The following AGAP1 variants were observed in gnomAD, a reference collection of about 807,000 sequenced individuals.
AGAP1 encodes ArfGAP with GTPase domain, ankyrin repeat and PH domain 1, also known as arf-GAP with GTPase, ANK repeat and PH domain-containing protein 1.
In AGAP1, 29 loss-of-function variants were observed where a neutral mutation model predicts 105.3. That is an observed-to-expected ratio of 0.28 (90% CI 0.21 to 0.38). AGAP1 has a LOEUF of 0.38. Ranked by LOEUF, AGAP1 falls within the 10% of genes least tolerant of loss-of-function variation. The pLI is 1.00. For synonymous variants in AGAP1, 509 were observed against 485.9 expected (o/e 1.05, Z -0.63); for missense variants, 998 against 1,165.1 (o/e 0.86, Z 2.09).
chr2:235,617,400 T>C (rs533931595), intron 1 of AGAP1, among the ~76,000 whole-genome samples: 1 of 152,358 alleles, frequency 6.6e-6, no homozygotes, highest in East Asian at 1.9e-4. Flanking sequence ...ATTTTGTTGT[T>C]GTAAAGAACA....
chr2:235,781,406 T>C (rs1956255453), intron 6 of AGAP1, among the ~76,000 whole-genome samples: 1 of 152,220 alleles, frequency 6.6e-6, no homozygotes, highest in African/African-American at 2.4e-5. Context: ...TACAATCTTA[T>C]TGTAACTGTT....
Position 235,786,884 on chromosome 2 carries a change from G to A in AGAP1, c.674-10875G>A, listed in dbSNP as rs151246345. On this transcript the variant is annotated intron_variant, in intron 6 of 17. Coordinates refer to ENST00000304032, the MANE Select transcript of AGAP1 (RefSeq NM_001037131.3). ...GTTCCAGTGAGAAAGCGTGAGCTCC[G>A]TCCATTGGTCCTCCTGGCCCTGCCA... Among the ~76,000 whole-genome samples the A allele has an allele frequency of 5.6e-3, 854 of 152,286 alleles. 4 individuals carry two copies. Among genetic ancestry groups the A allele is most frequent in the Non-Finnish European group, 7.9e-3 (537 of 68,022 alleles).
chr2:235,795,664 G>GA (rs373102522), intron 6 of AGAP1, among the ~76,000 whole-genome samples: 24 of 150,394 alleles, frequency 1.6e-4, no homozygotes, highest in Non-Finnish European at 2.1e-4. Context: ...GGACAAATAT[G>GA]AAAAAAAAAT....
In AGAP1 at chr2:235,630,502, T is replaced by C. The variant is rs974792846; in HGVS notation, c.164-78677T>C. Among the ~76,000 whole-genome samples the C allele has an allele frequency of 2.6e-5, 4 of 152,218 alleles. No homozygotes were observed. The South Asian group carries it at 8.3e-4, about 32-fold the overall frequency. On this transcript the variant is annotated intron_variant, in intron 1 of 17. Transcript: ENST00000304032. ...CTGGGATTACAGGCGTGAGCCACCA[T>C]GCCCGGCCCCTGTACATTGTTTTTT...
At chr2:236,049,710 G>A (rs542989644) in intron 16 of AGAP1, 31 of 152,734 alleles carry the variant, frequency 2.0e-4, no homozygotes, top group Non-Finnish European at 3.6e-4. Context: ...TATTTTTATG[G>A]TAACAAAATC....
intron 1 of AGAP1, among the ~76,000 whole-genome samples, chr2:235,652,560 C>G (rs1305679323): frequency 1.3e-5 from 2 of 152,130 alleles, no homozygotes; most frequent in African/African-American, 4.8e-5. Context: ...CACTGAACAT[C>G]AGGGAAGAGA....
chr2:235,637,526 C>T (rs1947047279), intron 1 of AGAP1, among the ~76,000 whole-genome samples: 1 of 151,960 alleles, frequency 6.6e-6, no homozygotes, highest in Non-Finnish European at 1.5e-5. Flanking sequence ...AAGCTATCCT[C>T]CTGCCTCAGC....
chr2:235,945,061 T>C (rs1273106053), intron 12 of AGAP1, among the ~76,000 whole-genome samples: 1 of 152,264 alleles, frequency 6.6e-6, no homozygotes, highest in Non-Finnish European at 1.5e-5. Context: ...AAAGAACTTT[T>C]CTCTTTTCCT....
Position 236,123,704 on chromosome 2 carries a change from G to GGA in AGAP1, c.2371-215_2371-214insGA, listed in dbSNP as rs1553582422. The stretch of plus-strand genomic sequence containing the variant: ...TTGCACAAAGGAGGGGCTTTCAGTT[G>GGA]AAAAAAAAAGACATGTTCTTTCCTT... On this transcript the variant is annotated intron_variant, in intron 17 of 17. Transcript: ENST00000304032. This position sits in a 1 kb window ranked among gnomAD's most constrained non-coding sequence, Gnocchi z 4.6. Among the ~76,000 whole-genome samples, 2 of 122,016 alleles carry GGA rather than the reference G, an allele frequency of 1.6e-5. No individual in the cohort carries two copies. Among genetic ancestry groups the GGA allele is most frequent in the Non-Finnish European group, 4.1e-5 (2 of 49,018 alleles). The allele number at this position is 122,016 out of a possible 152,430, so 80.0% of individuals were successfully genotyped here.
rs765171987 is a variant in AGAP1, at chr2:236,035,021, G to A, written c.1646-1540G>A. Reference sequence around the variant, plus strand: ...GGGGAAAGGGTGAGTGGGGTGGCACGTCCTCACGTCCCAGGCTGCAGGCGC... The same window carrying A: ...GGGGAAAGGGTGAGTGGGGTGGCACATCCTCACGTCCCAGGCTGCAGGCGC... On this transcript the variant is annotated intron_variant, in intron 13 of 17. Coordinates refer to ENST00000304032, the MANE Select transcript of AGAP1 (RefSeq NM_001037131.3). This position sits in a 1 kb window ranked among gnomAD's most constrained non-coding sequence, Gnocchi z 4.2. Among the ~76,000 whole-genome samples, 20 of 152,250 alleles carry A rather than the reference G, an allele frequency of 1.3e-4. 1 individual carries two copies. Among genetic ancestry groups the A allele is most frequent in the Admixed American group, 1.2e-3 (18 of 15,282 alleles).
At chr2:236,099,284 C>T (rs1167888924) in intron 16 of AGAP1, among the ~76,000 whole-genome samples, 2 of 151,878 alleles carry the variant, frequency 1.3e-5, no homozygotes, top group Admixed American at 6.6e-5. Flanking sequence ...AACCCCATCT[C>T]TACTAAAAAA....
intron 1 of AGAP1, among the ~76,000 whole-genome samples, chr2:235,649,971 C>G (rs1947526689): frequency 6.6e-6 from 1 of 152,180 alleles, no homozygotes; most frequent in African/African-American, 2.4e-5. Flanking sequence ...CAAGGCAACA[C>G]AATTCAGTAA....
chr2:235,653,854 C>T (rs1327222874), intron 1 of AGAP1, among the ~76,000 whole-genome samples: 5 of 152,160 alleles, frequency 3.3e-5, no homozygotes, highest in African/African-American at 1.2e-4. Context: ...GTCGGGAGTT[C>T]AAGACCATCC....
intron 1 of AGAP1, among the ~76,000 whole-genome samples, chr2:235,707,429 G>T (rs1035794763): frequency 1.4e-5 from 2 of 145,576 alleles, no homozygotes; most frequent in African/African-American, 5.0e-5. Flanking sequence ...TGTCATTGCA[G>T]GGCCCGTGGC....
intron 12 of AGAP1, among the ~76,000 whole-genome samples, chr2:235,949,635 C>T (rs967814626): frequency 6.6e-6 from 1 of 152,190 alleles, no homozygotes; most frequent in Non-Finnish European, 1.5e-5. Context: ...GCCTCTTTTG[C>T]ATAGTAAGCT....
chr2:235,494,725 C>T lies in AGAP1; in HGVS notation c.39C>T (p.Ile13=). The T allele has an allele frequency of 6.4e-7, 1 of 1,562,144 alleles. No individual in the cohort carries two copies. The highest frequency in any genetic ancestry group is 2.6e-5 in the East Asian group (1 of 38,532). The part of the protein sequence containing the change: ...YQQQLANSAA[I]RAEIQRFESV... Reference sequence around the variant, plus strand: ...AGCAGCTGGCCAACTCGGCTGCCATCCGGGCCGAGATCCAGCGCTTCGAGT... The same window carrying T: ...AGCAGCTGGCCAACTCGGCTGCCATTCGGGCCGAGATCCAGCGCTTCGAGT... Residue 13 remains isoleucine, a synonymous_variant, in exon 1 of 18, where the codon ATC becomes ATT. Transcript: ENST00000304032.
intron 8 of AGAP1, among the ~76,000 whole-genome samples, chr2:235,806,413 T>C (rs1219729899): frequency 1.3e-5 from 2 of 152,168 alleles, no homozygotes; most frequent in Non-Finnish European, 2.9e-5. Context: ...CACTTTCTCA[T>C]GCCATCGAGA....
chr2:235,790,976 C>T (rs1436433201), intron 6 of AGAP1, among the ~76,000 whole-genome samples: 1 of 152,212 alleles, frequency 6.6e-6, no homozygotes, highest in Non-Finnish European at 1.5e-5. Context: ...CATTAAGGAA[C>T]ATACTGTAGC....
At chr2:235,828,291 CT>C (rs1367686620) in intron 9 of AGAP1, among the ~76,000 whole-genome samples, 1 of 152,116 alleles carries the variant, frequency 6.6e-6, no homozygotes, top group African/African-American at 2.4e-5. Flanking sequence ...TTGGGAATTT[CT>C]TTTTTTGGTC....
Sources: gnomAD v4.1 joint callset for allele counts (sites outside exome capture counted in the v4.1 genomes callset) on GRCh38, gnomAD v4.1.1 for gene constraint, Gnocchi (gnomAD v3.1) non-coding constraint, MANE v1.5 for transcripts, NCBI Gene and HGNC (gene_info 2026-07-23, HGNC 2026-07-21) for gene names.